The following NNMT variants were observed in gnomAD, a reference collection of about 807,000 sequenced individuals.
NNMT encodes nicotinamide N-methyltransferase.
Under a neutral mutation model 11.7 loss-of-function variants are expected in NNMT, and 10 were observed. The ratio of observed to expected loss-of-function variants is 0.85; its 90% CI spans 0.53 to 1.45. NNMT has a LOEUF of 1.45. Among genes scored for constraint, NNMT ranks in the 40% most tolerant of loss-of-function variants. The pLI, the probability that NNMT is intolerant of heterozygous loss-of-function variation, is 0.00. For synonymous variants in NNMT, 143 were observed against 133.8 expected (o/e 1.07, Z -0.48); for missense variants, 381 against 319.4 (o/e 1.19, Z -1.47).
rs1215159840 is a variant in NNMT at position 114,296,719 on chromosome 11, G to A, written c.154+9G>A. 2 of 1,613,764 alleles carry A rather than the reference G, an allele frequency of 1.2e-6. No individual in the cohort carries two copies. Among genetic ancestry groups the A allele is most frequent in the Non-Finnish European group, 1.7e-6 (2 of 1,179,876 alleles). On this transcript the variant is annotated intron_variant, in intron 1 of 2. Transcript: ENST00000299964. ...CAAGATATTCTGCCTAGGTAAGTCT[G>A]TTGTCTGCATGTCTCCCCACTAATG...
intron 2 of NNMT, among the ~76,000 whole-genome samples, chr11:114,291,042 T>C (rs1484586234): frequency 6.6e-6 from 1 of 152,250 alleles, no homozygotes; most frequent in Non-Finnish European, 1.5e-5. Context: ...TCAAATATTT[T>C]GCTTGTGATT....
chr11:114,290,570 C>A (rs950891435), intron 2 of NNMT, among the ~76,000 whole-genome samples: 1 of 152,124 alleles, frequency 6.6e-6, no homozygotes, highest in Non-Finnish European at 1.5e-5. Context: ...TAGGGCTCAG[C>A]CACTTTAATT....
intron 2 of NNMT, among the ~76,000 whole-genome samples, chr11:114,308,423 G>A (rs551013608): frequency 3.3e-5 from 5 of 152,238 alleles, no homozygotes; most frequent in African/African-American, 7.2e-5. Flanking sequence ...AGGAGGAACC[G>A]CCTCTAAATC....
At chr11:114,303,936 T>C (rs530720423) in intron 2 of NNMT, among the ~76,000 whole-genome samples, 1 of 152,316 alleles carries the variant, frequency 6.6e-6, no homozygotes, top group East Asian at 1.9e-4. Flanking sequence ...CCTATTTTCA[T>C]ATGCATTTTA....
At chr11:114,260,697 T>G (rs1945071962) in intron 1 of NNMT, among the ~76,000 whole-genome samples, 1 of 152,130 alleles carries the variant, frequency 6.6e-6, no homozygotes, top group South Asian at 2.1e-4. Flanking sequence ...GCACAGCAGC[T>G]CTCTGAAGAC....
At chr11:114,285,759 T>C (rs1271929850) in intron 2 of NNMT, among the ~76,000 whole-genome samples, 1 of 152,196 alleles carries the variant, frequency 6.6e-6, no homozygotes, top group Non-Finnish European at 1.5e-5. Flanking sequence ...GTTGCTTCTC[T>C]GCAACATATG....
At chr11:114,282,670 C>A (rs1168124471) in intron 2 of NNMT, among the ~76,000 whole-genome samples, 1 of 152,140 alleles carries the variant, frequency 6.6e-6, no homozygotes, top group Non-Finnish European at 1.5e-5. Flanking sequence ...TCAAAACCCT[C>A]GCATTCCAAT....
intron 2 of NNMT, among the ~76,000 whole-genome samples, chr11:114,268,259 G>A (rs1369504118): frequency 1.3e-5 from 2 of 152,130 alleles, no homozygotes; most frequent in Non-Finnish European, 2.9e-5. Flanking sequence ...ACAACTGAAG[G>A]GAACTTCACA....
intron 2 of NNMT, chr11:114,269,588 C>T (rs1169400891): frequency 2.0e-5 from 3 of 152,220 alleles, no homozygotes; most frequent in Admixed American, 6.5e-5. Flanking sequence ...CCTTGCCTTT[C>T]CTCCACTGTC....
chr11:114,301,692 A>C (rs1945440604), intron 2 of NNMT, among the ~76,000 whole-genome samples: 1 of 152,070 alleles, frequency 6.6e-6, no homozygotes. Flanking sequence ...AATGGTGGAC[A>C]CATGTCATTA....
intron 2 of NNMT, among the ~76,000 whole-genome samples, chr11:114,275,326 A>G (rs1484789943): frequency 6.6e-6 from 1 of 152,198 alleles, no homozygotes; most frequent in Admixed American, 6.5e-5. Context: ...TGTCCTCAAC[A>G]ACATCTACCA....
At chr11:114,310,452 G>A (rs763142336) in intron 2 of NNMT, among the ~76,000 whole-genome samples, 3 of 152,198 alleles carry the variant, frequency 2.0e-5, no homozygotes, top group Non-Finnish European at 4.4e-5. Context: ...GATTATATTC[G>A]CTAGGATTAA....
At chr11:114,267,833 C>T (rs541106993) in intron 2 of NNMT, among the ~76,000 whole-genome samples, 1 of 152,328 alleles carries the variant, frequency 6.6e-6, no homozygotes, top group East Asian at 1.9e-4. Flanking sequence ...CCATTTATAT[C>T]TTTCCAAAAT....
At chr11:114,260,091 G>A (rs755411142) in intron 1 of NNMT, among the ~76,000 whole-genome samples, 2 of 152,166 alleles carry the variant, frequency 1.3e-5, no homozygotes, top group Non-Finnish European at 2.9e-5. Context: ...AGCTCACCAA[G>A]CAGAGGGGTC....
intron 2 of NNMT, among the ~76,000 whole-genome samples, chr11:114,289,391 G>C (rs755128410): frequency 1.5e-4 from 23 of 152,030 alleles, no homozygotes; most frequent in Non-Finnish European, 2.2e-4. Flanking sequence ...TGCTCTGCAG[G>C]ATTCTCTTCT....
intron 2 of NNMT, among the ~76,000 whole-genome samples, chr11:114,284,513 G>T (rs901296852): frequency 2.0e-5 from 3 of 152,152 alleles, no homozygotes; most frequent in Non-Finnish European, 4.4e-5. Context: ...GTCCAGGCTG[G>T]AGTGCAGTGG....
At position 114,278,694 on chromosome 11, in the gene NNMT, G is replaced by A. The variant is rs532009612; in HGVS notation, c.-130+15760G>A. 2.0e-5 allele frequency among the ~76,000 whole-genome samples: 3 copies of A among 152,186 alleles called. No homozygotes were observed. In the South Asian group the frequency reaches 6.2e-4, roughly 32 times the overall value. On this transcript the variant is annotated intron_variant, in intron 2 of 4. Coordinates refer to the NNMT transcript ENST00000535401. ...ATGTATGTGTGGTGATTCAGGTAGT[G>A]GAGAGTGGCTAGATCTGTCAGTGGT... is the stretch of plus-strand genomic sequence containing the variant.
intron 2 of NNMT, among the ~76,000 whole-genome samples, chr11:114,265,735 C>T (rs571494305): frequency 2.0e-4 from 30 of 152,252 alleles, no homozygotes; most frequent in South Asian, 8.3e-4. Context: ...TCAATTTCTC[C>T]GAAAATAGCC....
Position 114,303,066 on chromosome 11 carries a change from A to G in NNMT, c.362+4908A>G, listed in dbSNP as rs141838722. Among the ~76,000 whole-genome samples, 238 of 152,200 alleles carry G rather than the reference A, an allele frequency of 1.6e-3. 1 individual carries two copies. The highest frequency in any genetic ancestry group is 5.4e-3 in the African/African-American group (226 of 41,558). ...TATGGTATTCTGTTACAGGAGCCCA[A>G]ACTAACTAAGGCTATATTATGCATA... On this transcript the variant is annotated intron_variant, in intron 2 of 2. Coordinates refer to ENST00000299964, the MANE Select transcript of NNMT (RefSeq NM_006169.3).
Sources: gnomAD v4.1 joint callset for allele counts (sites outside exome capture counted in the v4.1 genomes callset) on GRCh38, gnomAD v4.1.1 for gene constraint, MANE v1.5 for transcripts, NCBI Gene and HGNC (gene_info 2026-07-23, HGNC 2026-07-21) for gene names.